Variants in CNTN6 observed in about 807,000 individuals in gnomAD.
CNTN6 encodes the protein contactin 6.
In CNTN6, 137 loss-of-function variants were observed where a neutral mutation model predicts 122.8. The ratio of observed to expected loss-of-function variants is 1.12; its 90% CI spans 0.97 to 1.29. The LOEUF is 1.29. Ranked by LOEUF, CNTN6 falls within the 50% of genes most tolerant of loss-of-function variation. The probability of loss-of-function intolerance (pLI) is 0.00; values close to 1 mark genes in which losing one functional copy is unlikely to be tolerated. For missense variants in CNTN6, 1,634 were observed against 1,223.4 expected (o/e 1.34, Z -5.01); for synonymous variants, 570 against 426.0 (o/e 1.34, Z -4.16).
intron 4 of CNTN6, among the ~76,000 whole-genome samples, chr3:1,258,520 C>T (rs2094795331): frequency 1.3e-5 from 2 of 152,030 alleles, no homozygotes; most frequent in Admixed American, 1.3e-4. Flanking sequence ...TGTGCAGTGG[C>T]CTGGCTCTGG....
intron 12 of CNTN6, among the ~76,000 whole-genome samples, chr3:1,364,107 G>T (rs948133190): frequency 6.6e-6 from 1 of 151,894 alleles, no homozygotes; most frequent in East Asian, 1.9e-4. Context: ...GGAAAACCAT[G>T]TATATAGAGG....
chr3:1,312,732 CT>C (rs1699559427), intron 7 of CNTN6, among the ~76,000 whole-genome samples: 1 of 151,502 alleles, frequency 6.6e-6, no homozygotes, highest in Non-Finnish European at 1.5e-5. Flanking sequence ...CATTTTGTAC[CT>C]GGTTAATTCA....
chr3:1,112,819 C>A (rs943819936), intron 1 of CNTN6, among the ~76,000 whole-genome samples: 1 of 152,050 alleles, frequency 6.6e-6, no homozygotes, highest in East Asian at 1.9e-4. Context: ...AGGGGCCAGA[C>A]TCCCAGGCAG....
At chr3:1,240,807 T>C (rs1316994672) in intron 4 of CNTN6, among the ~76,000 whole-genome samples, 3 of 152,024 alleles carry the variant, frequency 2.0e-5, no homozygotes, top group Non-Finnish European at 4.4e-5. Flanking sequence ...TTATTTCACA[T>C]GGGTGAAATA....
At chr3:1,245,401 A>G (rs1047279534) in intron 4 of CNTN6, among the ~76,000 whole-genome samples, 10 of 136,840 alleles carry the variant, frequency 7.3e-5, no homozygotes, top group Non-Finnish European at 1.2e-4. Context: ...CCTAGATGGA[A>G]TTGGAGACTA....
intron 6 of CNTN6, 37 bp from the exon 7 acceptor site, chr3:1,297,852 C>G (rs1358378486): frequency 1.3e-6 from 2 of 1,513,272 alleles, no homozygotes; most frequent in East Asian, 2.3e-5. Flanking sequence ...AACTTCTATT[C>G]TCCAGAAATG....
chr3:1,220,462 T>C (rs966757117), intron 2 of CNTN6, among the ~76,000 whole-genome samples: 4 of 152,198 alleles, frequency 2.6e-5, no homozygotes, highest in African/African-American at 7.2e-5. Context: ...GGGGGTGTTA[T>C]GCCCTTTGTT....
intron 4 of CNTN6, among the ~76,000 whole-genome samples, chr3:1,252,583 A>G (rs928957188): frequency 6.6e-6 from 1 of 152,216 alleles, no homozygotes; most frequent in South Asian, 2.1e-4. Context: ...CCTACTAGTC[A>G]TTTTAGAGGA....
At chr3:1,319,701 G>T (rs1319686785) in intron 7 of CNTN6, among the ~76,000 whole-genome samples, 1 of 151,266 alleles carries the variant, frequency 6.6e-6, no homozygotes, top group Non-Finnish European at 1.5e-5. Flanking sequence ...AAAGATAAAG[G>T]ATCATGAATT....
At chr3:1,101,167 C>A (rs1438177451) in intron 1 of CNTN6, among the ~76,000 whole-genome samples, 1 of 152,126 alleles carries the variant, frequency 6.6e-6, no homozygotes. Context: ...GGCCCTACAA[C>A]CAAGCATAGT....
intron 1 of CNTN6, among the ~76,000 whole-genome samples, chr3:1,109,111 G>T (rs923553564): frequency 6.6e-6 from 1 of 151,944 alleles, no homozygotes; most frequent in African/African-American, 2.4e-5. Flanking sequence ...ATATAAATGA[G>T]GCTAAAAATT....
intron 20 of CNTN6, among the ~76,000 whole-genome samples, chr3:1,389,528 C>T (rs1450729350): frequency 6.6e-6 from 1 of 152,076 alleles, no homozygotes; most frequent in Non-Finnish European, 1.5e-5. Flanking sequence ...CACCAGCTAA[C>T]ATCATAATAT....
intron 2 of CNTN6, among the ~76,000 whole-genome samples, chr3:1,162,946 T>G (rs2093168497): frequency 6.6e-6 from 1 of 152,200 alleles, no homozygotes; most frequent in Non-Finnish European, 1.5e-5. Flanking sequence ...CAAAGAGTAT[T>G]CAGACCACAG....
chr3:1,294,241 T>G (rs13323622), intron 5 of CNTN6, among the ~76,000 whole-genome samples: 2,641 of 152,254 alleles, frequency 0.017, 88 homozygotes, highest in African/African-American at 0.06. Flanking sequence ...TATGGTATAT[T>G]CATAAAATGA....
At chr3:1,244,234 T>G in intron 4 of CNTN6, among the ~76,000 whole-genome samples, 1 of 151,604 alleles carries the variant, frequency 6.6e-6, no homozygotes, top group African/African-American at 2.4e-5. Context: ...GAAGGAGGAA[T>G]GGAGGGTGGA....
intron 4 of CNTN6, among the ~76,000 whole-genome samples, chr3:1,259,504 A>C (rs910024213): frequency 2.6e-5 from 4 of 152,106 alleles, no homozygotes; most frequent in Non-Finnish European, 5.9e-5. Context: ...TTATTATTTA[A>C]ATGTAATTAT....
At position 1,156,067 on chromosome 3, in the gene CNTN6, T is replaced by C. The variant is rs900247820; in HGVS notation, c.55+8004T>C. On this transcript the variant is annotated intron_variant, in intron 2 of 22. Transcript: ENST00000446702. The stretch of plus-strand genomic sequence containing the variant: ...TCAATTCTACCTGTGTCATGAGCCA[T>C]GCCTTCCCTTACTCTCCTTCATGTA... Among the ~76,000 whole-genome samples, 6 of 152,362 alleles carry C rather than the reference T, an allele frequency of 3.9e-5. No homozygotes were observed. The South Asian group carries it at 1.2e-3, about 32-fold the overall frequency.
chr3:1,387,608 T>A (rs1693236944), intron 20 of CNTN6, among the ~76,000 whole-genome samples: 1 of 152,100 alleles, frequency 6.6e-6, no homozygotes, highest in Non-Finnish European at 1.5e-5. Flanking sequence ...GGTCTACAGC[T>A]CCCAGTGAAG....
chr3:1,332,443 T>G (rs907176299), intron 11 of CNTN6, among the ~76,000 whole-genome samples: 3 of 149,854 alleles, frequency 2.0e-5, no homozygotes, highest in African/African-American at 7.4e-5. Flanking sequence ...CCAAACAGAT[T>G]GAGGTAAAAA....
Sources: allele counts gnomAD v4.1 joint callset (sites outside exome capture counted in the v4.1 genomes callset), GRCh38; gene constraint gnomAD v4.1.1; transcripts MANE v1.5; gene names NCBI Gene and HGNC (gene_info 2026-07-23, HGNC 2026-07-21).